The following SUN2 variants were observed in gnomAD, a reference collection of about 807,000 sequenced individuals.
The protein encoded by SUN2 is Sad1 and UNC84 domain containing 2, also known as SUN domain-containing protein 2.
A neutral mutation model predicts 100.0 loss-of-function variants in SUN2; 60 were observed. The ratio of observed to expected loss-of-function variants is 0.60; its 90% CI spans 0.49 to 0.74. The LOEUF is 0.74. Among genes scored for constraint, SUN2 ranks in the 30% least tolerant of loss-of-function variants. The pLI is 0.00. For missense variants in SUN2, 834 were observed against 954.6 expected, an observed-to-expected ratio of 0.87 and a Z score of 1.66; for synonymous variants, 367 against 403.3, an observed-to-expected ratio of 0.91 and a Z score of 1.08.
Position 38,737,812 on chromosome 22 carries a change from G to C in SUN2, c.2040+361C>G. On this transcript the variant is annotated intron_variant, in intron 17 of 17. Transcript: ENST00000689035. The surrounding 1 kb of genome is among the most constrained non-coding windows in gnomAD (Gnocchi z 4.1). Reference sequence around the variant, plus strand: ...GAAGTTTAAGCCGCATGCACTGCCTGAGGCTCCAGCTGGCCATGGTAGAAT... The same window carrying C: ...GAAGTTTAAGCCGCATGCACTGCCTCAGGCTCCAGCTGGCCATGGTAGAAT... 2.1e-6 allele frequency: 1 copy of C among 466,586 alleles called. No individual in the cohort carries two copies. Among genetic ancestry groups the C allele is most frequent in the Non-Finnish European group, 4.2e-6 (1 of 235,734 alleles). The allele number at this position is 466,586 out of a possible 1,614,324, so 28.9% of individuals were successfully genotyped here.
chr22:38,742,422 C>T lies in SUN2; in HGVS notation c.947G>A (p.Gly316Asp). Residue 316 changes from glycine to aspartate, a missense_variant, in exon 9 of 18, where the codon GGC becomes GAC. Transcript: ENST00000689035. The part of the protein sequence containing the change: ...ERLELRQGAP[G>D]QGGGGGLSHE... ...GCTCAGGCCACCACCACCTCCCTGG[C>T]CAGGAGCCCCTTGCCGCAGCTCCAG... is the stretch of plus-strand genomic sequence containing the variant. The T allele has an allele frequency of 6.2e-7, 1 of 1,613,430 alleles. No individual in the cohort carries two copies. Among genetic ancestry groups the T allele is most frequent in the Non-Finnish European group, 8.5e-7 (1 of 1,179,996 alleles).
rs1394582953 is a variant in SUN2 at position 38,737,171 on chromosome 22, C to A, written c.2041-791G>T. On this transcript the variant is annotated intron_variant, in intron 17 of 17. Transcript: ENST00000689035. The surrounding 1 kb of genome is among the most constrained non-coding windows in gnomAD (Gnocchi z 4.1). ...CTCTATACTTTCCTAAAGAGAAATC[C>A]CAACCTCTCTTGCAGCCTAGTTACC... Among the ~76,000 whole-genome samples, 1 of 152,146 alleles carries A rather than the reference C, an allele frequency of 6.6e-6. No homozygotes were observed. The highest frequency in any genetic ancestry group is 1.5e-5 in the Non-Finnish European group (1 of 68,026).
Position 38,738,058 on chromosome 22 carries a change from G to C in SUN2, c.2040+115C>G. 1.1e-6 allele frequency: 1 copy of C among 921,194 alleles called. No homozygotes were observed. Among genetic ancestry groups the C allele is most frequent in the Non-Finnish European group, 1.8e-6 (1 of 554,176 alleles). 57.1% of individuals were successfully genotyped at this position (921,194 alleles called of 1,614,324 possible). On this transcript the variant is annotated intron_variant, in intron 17 of 17. Transcript: ENST00000689035. This position sits in a 1 kb window ranked among gnomAD's most constrained non-coding sequence, Gnocchi z 6.6. ...TATCACATCTTGAGCTGTGGGAAAG[G>C]AGAGCAGGGCTTCCCTCTCTGAACC...
At chr22:38,750,796 C>A in intron 4 of SUN2, 102 bp downstream of exon 4, 4 of 1,533,916 alleles carry the variant, frequency 2.6e-6, no homozygotes, top group South Asian at 2.4e-5. Flanking sequence ...CTGTGCCTGC[C>A]ACATGCTGCC....
intron 8 of SUN2, chr22:38,743,993 A>C (rs1345716359): frequency 6.6e-6 from 1 of 152,236 alleles, no homozygotes; most frequent in Non-Finnish European, 1.5e-5. Flanking sequence ...CTGTAATCCC[A>C]GCACTTTGGG....
At chr22:38,744,746 T>A (rs1421744662) in intron 8 of SUN2, among the ~76,000 whole-genome samples, 2 of 152,170 alleles carry the variant, frequency 1.3e-5, no homozygotes, top group African/African-American at 2.4e-5. Flanking sequence ...CCTTAAGTGA[T>A]CCTCCCACCT....
intron 7 of SUN2, among the ~76,000 whole-genome samples, chr22:38,747,224 C>T (rs992631313): frequency 3.3e-5 from 5 of 150,566 alleles, no homozygotes; most frequent in African/African-American, 9.8e-5. Context: ...CCCAGCTACT[C>T]GGGAGGCTGA....
chr22:38,740,108 G>A lies in SUN2; in HGVS notation c.1356+159C>T, dbSNP rs747158719. ...GGGCACTAACAAAAACAGGAAGAACGCCTGTCAGTGAGAGCCCACATGTGT... is the reference window on the plus strand; with the variant it reads ...GGGCACTAACAAAAACAGGAAGAACACCTGTCAGTGAGAGCCCACATGTGT... On this transcript the variant is annotated intron_variant, in intron 12 of 17. Coordinates refer to ENST00000689035, the MANE Select transcript of SUN2 (RefSeq NM_015374.3). The surrounding 1 kb of genome is among the most constrained non-coding windows in gnomAD (Gnocchi z 4.8). 3.9e-5 allele frequency among the ~76,000 whole-genome samples: 6 copies of A among 152,234 alleles called. No homozygotes were observed. Among genetic ancestry groups the A allele is most frequent in the Admixed American group, 1.3e-4 (2 of 15,290 alleles).
rs2092929829 is a variant in SUN2 at position 38,749,761 on chromosome 22, C to G, written c.614+5G>C. ...ATTTATTGGCAAGGGTGGAGTCTCG[C>G]TCACCTGGTTAAAACGAAGACGTCA... On this transcript the variant is annotated splice_donor_5th_base_variant and intron_variant, in intron 6 of 17. Coordinates refer to ENST00000689035, the MANE Select transcript of SUN2 (RefSeq NM_015374.3). 3.1e-6 allele frequency: 5 copies of G among 1,614,042 alleles called. No individual in the cohort carries two copies. The highest frequency in any genetic ancestry group is 4.2e-6 in the Non-Finnish European group (5 of 1,179,960).
Position 38,755,073 on chromosome 22 carries a change from T to C in SUN2, c.-38+690A>G. ...TCATCGGAAAGCATCCTTCCCCACTTCTCAGCTGGGCGACTTCCTTTCTCA... is the reference window on the plus strand; with the variant it reads ...TCATCGGAAAGCATCCTTCCCCACTCCTCAGCTGGGCGACTTCCTTTCTCA... On this transcript the variant is annotated intron_variant, in intron 1 of 17. Transcript: ENST00000689035. This position sits in a 1 kb window ranked among gnomAD's most constrained non-coding sequence, Gnocchi z 5.7. The C allele has an allele frequency of 9.7e-7, 1 of 1,031,780 alleles. No homozygotes were observed. 63.9% of individuals were successfully genotyped at this position (1,031,780 alleles called of 1,614,324 possible). A position where few individuals can be genotyped will look rare whatever the true frequency, so the allele number is the denominator to read the frequency against.
At position 38,739,518 on chromosome 22, in the gene SUN2, C is replaced by A. The variant is rs1344199572; in HGVS notation, c.1579-92G>T. The A allele has an allele frequency of 1.4e-6, 2 of 1,462,114 alleles. No individual in the cohort carries two copies. Among genetic ancestry groups the A allele is most frequent in the African/African-American group, 2.8e-5 (2 of 71,602 alleles). 90.6% of individuals were successfully genotyped at this position (1,462,114 alleles called of 1,614,324 possible). ...CGTGGGCCAAGGACCCATGGGCTGA[C>A]CCCTTCTAGGCTTGCACTGTGCTGG... On this transcript the variant is annotated intron_variant, in intron 13 of 17. Transcript: ENST00000689035. The surrounding 1 kb of genome is among the most constrained non-coding windows in gnomAD (Gnocchi z 6.7).
rs1350850319 is a variant in SUN2 at position 38,741,068 on chromosome 22, A to G, written c.1147-18T>C. 1.9e-6 allele frequency: 3 copies of G among 1,590,260 alleles called. No homozygotes were observed. Among genetic ancestry groups the G allele is most frequent in the Non-Finnish European group, 2.6e-6 (3 of 1,167,716 alleles). Reference sequence around the variant, plus strand: ...TCGGACTCCTGTGTAGGAAGAAGGGACAAATACAAGAAATACTCATCTCAG... The same window carrying G: ...TCGGACTCCTGTGTAGGAAGAAGGGGCAAATACAAGAAATACTCATCTCAG... On this transcript the variant is annotated intron_variant, in intron 10 of 17. Coordinates refer to ENST00000689035, the MANE Select transcript of SUN2 (RefSeq NM_015374.3).
chr22:38,739,347 G>C lies in SUN2; in HGVS notation c.1658C>G (p.Ser553Ter). 6.2e-7 allele frequency: 1 copy of C among 1,613,038 alleles called. No individual in the cohort carries two copies. Among genetic ancestry groups the C allele is most frequent in the Non-Finnish European group, 8.5e-7 (1 of 1,180,018 alleles). Residue 553 changes from serine to a stop codon, truncating the protein, a stop_gained, in exon 14 of 18, where the codon TCA becomes TGA. Transcript: ENST00000689035. LOFTEE classifies it high-confidence loss of function. The surrounding 1 kb of genome is among the most constrained non-coding windows in gnomAD (Gnocchi z 6.7). The stretch of plus-strand genomic sequence containing the variant: ...GAGGAAAGCAGAGCACGTACCTCCT[G>C]ACTCCAGGGCGTAGTCTGCCAGCCC... ...RIGLADYALE[S>*]GGASVISTRC...
At position 38,739,597 on chromosome 22, in the gene SUN2, G is replaced by GCAAAGC. The variant is rs2092836865; in HGVS notation, c.1578+119_1578+124dup. 1.5e-6 allele frequency: 2 copies of GCAAAGC among 1,334,986 alleles called. No homozygotes were observed. Among genetic ancestry groups the GCAAAGC allele is most frequent in the South Asian group, 2.6e-5 (2 of 76,696 alleles). The allele number at this position is 1,334,986 out of a possible 1,614,324, so 82.7% of individuals were successfully genotyped here. A position where few individuals can be genotyped will look rare whatever the true frequency, so the allele number is the denominator to read the frequency against. On this transcript the variant is annotated intron_variant, in intron 13 of 17. Transcript: ENST00000689035. The surrounding 1 kb of genome is among the most constrained non-coding windows in gnomAD (Gnocchi z 6.7). ...CCCACCCATGCCAGCCCCACAGCATGCAAAGCCTCCTGCTTGGCACTTCCA... is the reference window on the plus strand; with the variant it reads ...CCCACCCATGCCAGCCCCACAGCATGCAAAGCCAAAGCCTCCTGCTTGGCACTTCCA...
Position 38,737,965 on chromosome 22 carries a change from GC to G in SUN2, c.2040+207del. 1.4e-6 allele frequency: 1 copy of G among 703,440 alleles called. No homozygotes were observed. The highest frequency in any genetic ancestry group is 2.7e-6 in the Non-Finnish European group (1 of 376,786). The allele number at this position is 703,440 out of a possible 1,614,324, so 43.6% of individuals were successfully genotyped here. ...TCCTTTTCCAGGAAGCTTCCCTCAT[GC>G]TGCCCTTCTGGAAGGTGCCTTCCCC... On this transcript the variant is annotated intron_variant, in intron 17 of 17. Coordinates refer to ENST00000689035, the MANE Select transcript of SUN2 (RefSeq NM_015374.3). This position sits in a 1 kb window ranked among gnomAD's most constrained non-coding sequence, Gnocchi z 4.1.
chr22:38,751,883 G>C (rs1030100529), intron 2 of SUN2, among the ~76,000 whole-genome samples: 1 of 152,190 alleles, frequency 6.6e-6, no homozygotes, highest in African/African-American at 2.4e-5. Context: ...AGCAGGGGGG[G>C]TTCCTGTGAG....
Position 38,736,335 on chromosome 22 carries a change from T to G in SUN2, c.2086A>C (p.Thr696Pro). The G allele has an allele frequency of 6.2e-7, 1 of 1,613,950 alleles. No homozygotes were observed. Among genetic ancestry groups the G allele is most frequent in the Non-Finnish European group, 8.5e-7 (1 of 1,179,892 alleles). Residue 696 changes from threonine to proline, a missense_variant, in exon 18 of 18, where the codon ACT becomes CCT. Around this residue, in one of 3 missense-constraint regions of SUN2, gnomAD observed 80 missense variants for 76.7 expected, o/e 1.04. Transcript: ENST00000689035. ...TYQVVELRIL[T>P]NWGHPEYTCI... is the part of the protein sequence containing the mutation. ...GTGTACTCGGGGTGGCCCCAGTTAG[T>G]CAGGATCCGCAGCTCCACCACCTGG...
chr22:38,749,748 G>A lies in SUN2; in HGVS notation c.614+18C>T, dbSNP rs761604874. ...CCAGGGCCTTGCGATTTATTGGCAA[G>A]GGTGGAGTCTCGCTCACCTGGTTAA... On this transcript the variant is annotated intron_variant, in intron 6 of 17. Coordinates refer to ENST00000689035, the MANE Select transcript of SUN2 (RefSeq NM_015374.3). 25 of 1,612,556 alleles carry A rather than the reference G, an allele frequency of 1.6e-5. No homozygotes were observed. The highest frequency in any genetic ancestry group is 1.8e-5 in the Non-Finnish European group (21 of 1,178,666).
chr22:38,745,256 C>G (rs1603225011), intron 8 of SUN2: 14 of 462,916 alleles, frequency 3.0e-5, no homozygotes, highest in South Asian at 2.2e-4. Flanking sequence ...GCTGACCCCC[C>G]CAGCCAACTG....
Sources: allele counts gnomAD v4.1 joint callset (sites outside exome capture counted in the v4.1 genomes callset), GRCh38; gene constraint gnomAD v4.1.1; regional missense constraint gnomAD v4.1.1; non-coding constraint Gnocchi (gnomAD v3.1); transcripts MANE v1.5; gene names NCBI Gene and HGNC (gene_info 2026-07-23, HGNC 2026-07-21).